Variants in TMC1 observed in about 807,000 individuals in gnomAD.
The protein encoded by TMC1 is transmembrane channel-like protein 1.
A neutral mutation model predicts 105.8 loss-of-function variants in TMC1; 84 were observed. The ratio of observed to expected loss-of-function variants is 0.79; its 90% CI spans 0.67 to 0.95. The LOEUF (loss-of-function observed/expected upper bound fraction) is 0.95, where lower values mean the gene tolerates loss of function less well. TMC1 is among the 40% of genes least tolerant of loss of function. TMC1 has a pLI of 0.00. For synonymous variants in TMC1, 315 were observed against 311.5 expected, an observed-to-expected ratio of 1.01 and a Z score of -0.12; for missense variants, 817 against 914.1, an observed-to-expected ratio of 0.89 and a Z score of 1.37.
chr9:72,526,158 CAGA>C (rs1564390065), intron 1 of TMC1, among the ~76,000 whole-genome samples: 1 of 152,156 alleles, frequency 6.6e-6, no homozygotes, highest in South Asian at 2.1e-4. Context: ...ACACTGAGAA[CAGA>C]AGGAGAGGAT....
chr9:72,834,042 A>T lies in TMC1; in HGVS notation c.2261-1909A>T, dbSNP rs576203019. On this transcript the variant is annotated intron_variant, in intron 23 of 23. Transcript: ENST00000297784. ...TCCATTTTCTGTTTTTTTTTTTTTC[A>T]TGTAGAATTTCTAATTTATTTTTCA... is the stretch of plus-strand genomic sequence containing the variant. Among the ~76,000 whole-genome samples, 766 of 140,270 alleles carry T rather than the reference A, an allele frequency of 5.5e-3. 5 individuals are homozygous for T. The highest frequency in any genetic ancestry group is 0.02 in the African/African-American group (728 of 36,990). The allele number at this position is 140,270 out of a possible 152,430, so 92.0% of individuals were successfully genotyped here.
At chr9:72,593,593 T>C (rs1824672133) in intron 2 of TMC1, among the ~76,000 whole-genome samples, 2 of 151,736 alleles carry the variant, frequency 1.3e-5, no homozygotes, top group African/African-American at 4.8e-5. Context: ...GGTTTCTCCA[T>C]GTTGGTCAGG....
intron 5 of TMC1, among the ~76,000 whole-genome samples, chr9:72,677,841 T>A (rs1826226278): frequency 6.6e-6 from 1 of 152,166 alleles, no homozygotes; most frequent in South Asian, 2.1e-4. Context: ...ATTGAGCATC[T>A]GCCGTGTTAA....
At chr9:72,800,343 T>G (rs1272032941) in intron 17 of TMC1, among the ~76,000 whole-genome samples, 2 of 152,170 alleles carry the variant, frequency 1.3e-5, no homozygotes, top group Non-Finnish European at 2.9e-5. Flanking sequence ...ATTTGAGACG[T>G]TCTCTTCTGC....
At chr9:72,555,071 G>A (rs1186096131) in intron 1 of TMC1, among the ~76,000 whole-genome samples, 2 of 151,792 alleles carry the variant, frequency 1.3e-5, no homozygotes, top group African/African-American at 2.4e-5. Context: ...TAGAGAAGGG[G>A]TTTCACCATG....
At chr9:72,564,451 G>C in intron 1 of TMC1, among the ~76,000 whole-genome samples, 1 of 152,062 alleles carries the variant, frequency 6.6e-6, no homozygotes, top group East Asian at 1.9e-4. Context: ...AGGGGAGGAG[G>C]GGAACAGCTT....
At chr9:72,787,590 A>G (rs1828189934) in intron 13 of TMC1, among the ~76,000 whole-genome samples, 1 of 152,042 alleles carries the variant, frequency 6.6e-6, no homozygotes, top group African/African-American at 2.4e-5. Flanking sequence ...TAGATCTCTA[A>G]CCACTAAAAT....
chr9:72,603,478 G>T (rs928875379), intron 2 of TMC1, among the ~76,000 whole-genome samples: 8 of 151,844 alleles, frequency 5.3e-5, no homozygotes, highest in Non-Finnish European at 7.4e-5. Context: ...TTGTCAGACA[G>T]ATTTCTCTGT....
At chr9:72,694,359 A>G (rs1262112140) in intron 6 of TMC1, among the ~76,000 whole-genome samples, 184 bp from the exon 7 acceptor site, 1 of 152,210 alleles carries the variant, frequency 6.6e-6, no homozygotes, top group Non-Finnish European at 1.5e-5. Context: ...ATGGAAATCT[A>G]GATACATTTA....
chr9:72,545,950 CA>C (rs566351959), intron 1 of TMC1, among the ~76,000 whole-genome samples: 3 of 146,010 alleles, frequency 2.1e-5, no homozygotes, highest in Admixed American at 6.8e-5. Flanking sequence ...TGTCATCGCT[CA>C]AAAAAAAAAC....
chr9:72,773,366 G>A (rs559003021), intron 13 of TMC1, among the ~76,000 whole-genome samples: 1 of 152,236 alleles, frequency 6.6e-6, no homozygotes, highest in East Asian at 1.9e-4. Context: ...CCCTCAGCCT[G>A]AGGGTCTAAG....
Position 72,742,502 on chromosome 9 carries a change from A to G in TMC1, c.512A>G (p.Glu171Gly). ...TTCAAAGCTGCGTGTGTCCCATGGG[A>G]AAATAAAATCAAGGCTATTGAAAGT... ...ENFKAACVPW[E>G]NKIKAIESQF... The change falls in exon 10 of 24, where the codon GAA (glutamate) becomes GGA (glycine). Residue 171 changes from glutamate to glycine, a missense_variant. Glu to Gly is a moderately conservative substitution (Grantham distance 98). Transcript: ENST00000297784. 6.2e-7 allele frequency: 1 copy of G among 1,614,090 alleles called. No individual in the cohort carries two copies. The highest frequency in any genetic ancestry group is 8.5e-7 in the Non-Finnish European group (1 of 1,179,958).
intron 17 of TMC1, among the ~76,000 whole-genome samples, chr9:72,804,403 T>G (rs572256310): frequency 6.6e-6 from 1 of 152,290 alleles, no homozygotes; most frequent in South Asian, 2.1e-4. Context: ...CATAAAAAAT[T>G]TAAAAAAATA....
intron 2 of TMC1, among the ~76,000 whole-genome samples, chr9:72,605,525 C>T (rs1196968692): frequency 6.6e-6 from 1 of 151,682 alleles, no homozygotes; most frequent in Non-Finnish European, 1.5e-5. Flanking sequence ...TGCACATGCA[C>T]TTCTGTGTCT....
At chr9:72,800,233 A>T (rs1828447174) in intron 17 of TMC1, among the ~76,000 whole-genome samples, 1 of 152,168 alleles carries the variant, frequency 6.6e-6, no homozygotes, top group Non-Finnish European at 1.5e-5. Context: ...TGTGGTGCTT[A>T]ACACGAGTCT....
At chr9:72,749,218 T>A (rs1235474336) in intron 10 of TMC1, among the ~76,000 whole-genome samples, 1 of 152,088 alleles carries the variant, frequency 6.6e-6, no homozygotes, top group Non-Finnish European at 1.5e-5. Flanking sequence ...GCCGTGGCAA[T>A]AATTAGAAAA....
At chr9:72,827,334 C>T (rs557601152) in intron 21 of TMC1, among the ~76,000 whole-genome samples, 2 of 152,282 alleles carry the variant, frequency 1.3e-5, no homozygotes, top group Non-Finnish European at 2.9e-5. Flanking sequence ...CCCAACAACC[C>T]GGCCTCCACC....
intron 18 of TMC1, among the ~76,000 whole-genome samples, chr9:72,806,208 T>C (rs1361053082): frequency 7.7e-6 from 1 of 130,060 alleles, no homozygotes; most frequent in African/African-American, 2.6e-5. Flanking sequence ...ACGGGGCGGC[T>C]GGCCGGGCAG....
chr9:72,600,183 G>T (rs1271447024), intron 2 of TMC1, among the ~76,000 whole-genome samples: 1 of 152,144 alleles, frequency 6.6e-6, no homozygotes, highest in East Asian at 1.9e-4. Flanking sequence ...GCAATGTGGA[G>T]GATGAAGTAA....
Sources: gnomAD v4.1 joint callset for allele counts (sites outside exome capture counted in the v4.1 genomes callset) on GRCh38, gnomAD v4.1.1 for gene constraint, MANE v1.5 for transcripts, NCBI Gene and HGNC (gene_info 2026-07-23, HGNC 2026-07-21) for gene names.